The following SMCHD1 variants were observed in gnomAD, a reference collection of about 807,000 sequenced individuals.
The protein encoded by SMCHD1 is structural maintenance of chromosomes flexible hinge domain containing 1, also known as structural maintenance of chromosomes flexible hinge domain-containing protein 1.
Under a neutral mutation model 254.7 loss-of-function variants are expected in SMCHD1, and 78 were observed. The ratio of observed to expected loss-of-function variants is 0.31; its 90% CI spans 0.26 to 0.37. The LOEUF (loss-of-function observed/expected upper bound fraction) is 0.37. SMCHD1 is among the 10% of genes least tolerant of loss of function. The pLI, the probability that SMCHD1 is intolerant of heterozygous loss-of-function variation, is 1.00. For missense variants in SMCHD1, 1,840 were observed against 2,408.1 expected, an observed-to-expected ratio of 0.76 and a Z score of 4.94; for synonymous variants, 766 against 794.9, an observed-to-expected ratio of 0.96 and a Z score of 0.61.
In SMCHD1 at chr18:2,666,758, T is replaced by C. The variant is rs1197204446; in HGVS notation, c.263-112T>C. 4.6e-6 allele frequency: 4 copies of C among 877,910 alleles called. No homozygotes were observed. In the African/African-American group the frequency reaches 5.1e-5, roughly 11 times the overall value. 54.4% of individuals were successfully genotyped at this position (877,910 alleles called of 1,614,324 possible). On this transcript the variant is annotated intron_variant, in intron 2 of 47. Coordinates refer to ENST00000320876, the MANE Select transcript of SMCHD1 (RefSeq NM_015295.3). The stretch of plus-strand genomic sequence containing the variant: ...TTACAGGTAGATGATTGGGGGTTTT[T>C]CTTTACCATCATTAAAGATATTTCA...
intron 45 of SMCHD1, among the ~76,000 whole-genome samples, chr18:2,785,424 G>T (rs564779299): frequency 2.0e-5 from 3 of 152,000 alleles, no homozygotes; most frequent in Non-Finnish European, 4.4e-5. Context: ...CGAGGTAGGC[G>T]GATCATGAGG....
chr18:2,733,509 G>T (rs117755873), intron 25 of SMCHD1, among the ~76,000 whole-genome samples: 2,726 of 152,334 alleles, frequency 0.018, 40 homozygotes, highest in Middle Eastern at 0.1. Context: ...AACAGTCTGT[G>T]GATGAGCGTG....
chr18:2,696,515 A>G (rs993253023), intron 8 of SMCHD1, among the ~76,000 whole-genome samples: 5 of 151,898 alleles, frequency 3.3e-5, no homozygotes, highest in Non-Finnish European at 4.4e-5. Flanking sequence ...CCCCCCTTCA[A>G]CTCCCATCTC....
rs551147954 is a variant in SMCHD1, at chr18:2,760,422, A to G, written c.4347-230A>G. On this transcript the variant is annotated intron_variant, in intron 34 of 47. Transcript: ENST00000320876. Reference sequence around the variant, plus strand: ...TCATATTCCTGTTCTTTCAATTTTTACCATATCCAGCACGTTTATTCTGGA... The same window carrying G: ...TCATATTCCTGTTCTTTCAATTTTTGCCATATCCAGCACGTTTATTCTGGA... 6.9e-4 allele frequency: 223 copies of G among 322,776 alleles called. No homozygotes were observed. The Middle Eastern group carries it at 9.8e-3, about 14-fold the overall frequency. The allele number at this position is 322,776 out of a possible 1,614,324, so 20.0% of individuals were successfully genotyped here.
intron 34 of SMCHD1, among the ~76,000 whole-genome samples, chr18:2,755,096 C>T (rs972351482): frequency 3.3e-5 from 5 of 151,758 alleles, no homozygotes; most frequent in Non-Finnish European, 5.9e-5. Context: ...ACTATGTCAC[C>T]CAGGCTGTAG....
At chr18:2,780,799 G>C (rs993209298) in intron 44 of SMCHD1, among the ~76,000 whole-genome samples, 1 of 152,172 alleles carries the variant, frequency 6.6e-6, no homozygotes. Context: ...AGGAGACCTG[G>C]CTTTCATGAC....
rs753307847 is a variant in SMCHD1 at position 2,663,537 on chromosome 18, TA to T, written c.187-2618del. On this transcript the variant is annotated intron_variant, in intron 1 of 47. Coordinates refer to ENST00000320876, the MANE Select transcript of SMCHD1 (RefSeq NM_015295.3). ...TCCTGGAATTTATTTTTGTCTAAGT[TA>T]AGGTGTGGATTTTATCTGTTTCCAT... 3.3e-5 allele frequency among the ~76,000 whole-genome samples: 5 copies of T among 152,314 alleles called. No individual in the cohort carries two copies. In the East Asian group the frequency reaches 5.8e-4, roughly 18 times the overall value.
intron 44 of SMCHD1, among the ~76,000 whole-genome samples, chr18:2,782,862 C>T (rs1311641865): frequency 2.6e-5 from 4 of 151,382 alleles, no homozygotes; most frequent in Non-Finnish European, 5.9e-5. Flanking sequence ...TTGTTGTTCA[C>T]CACTAGAAAA....
chr18:2,794,509 A>G (rs996378641), intron 45 of SMCHD1, among the ~76,000 whole-genome samples: 3 of 152,174 alleles, frequency 2.0e-5, no homozygotes, highest in Non-Finnish European at 4.4e-5. Context: ...GTATCTCAAA[A>G]AACAAAAACA....
chr18:2,730,227 G>C (rs908045912), intron 24 of SMCHD1, among the ~76,000 whole-genome samples: 1 of 152,202 alleles, frequency 6.6e-6, no homozygotes, highest in African/African-American at 2.4e-5. Context: ...CTGGAGTACA[G>C]TGGCACGATC....
At chr18:2,755,222 T>C (rs1204972142) in intron 34 of SMCHD1, among the ~76,000 whole-genome samples, 3 of 152,016 alleles carry the variant, frequency 2.0e-5, no homozygotes, top group Non-Finnish European at 2.9e-5. Flanking sequence ...GCCTGACTTA[T>C]GATTTTATTT....
intron 39 of SMCHD1, among the ~76,000 whole-genome samples, chr18:2,770,935 A>T: frequency 6.6e-6 from 1 of 152,124 alleles, no homozygotes; most frequent in Non-Finnish European, 1.5e-5. Flanking sequence ...GTTTGCTGCA[A>T]TTCTTAATAA....
At position 2,719,677 on chromosome 18, in the gene SMCHD1, A is replaced by ATTT. The variant is rs59838462; in HGVS notation, c.2458+1254_2458+1256dup. Among the ~76,000 whole-genome samples the ATTT allele has an allele frequency of 1.9e-4, 27 of 144,836 alleles. 1 individual carries two copies. Among genetic ancestry groups the ATTT allele is most frequent in the East Asian group, 8.1e-4 (4 of 4,936 alleles). On this transcript the variant is annotated intron_variant, in intron 19 of 47. Coordinates refer to ENST00000320876, the MANE Select transcript of SMCHD1 (RefSeq NM_015295.3). ...GTGTGACTGCAGTTCACTGCACCTA[A>ATTT]TTTTTTTTTTTTTGGGAGATGGAGT...
At chr18:2,782,684 G>A (rs8092558) in intron 44 of SMCHD1, among the ~76,000 whole-genome samples, 28,399 of 137,716 alleles carry the variant, frequency 0.21, 3,008 homozygotes, top group Admixed American at 0.29. Flanking sequence ...GTTGGAAGCT[G>A]TAGTGAGCCA....
intron 33 of SMCHD1, among the ~76,000 whole-genome samples, chr18:2,751,959 A>G (rs146334491): frequency 1.3e-5 from 2 of 152,278 alleles, no homozygotes; most frequent in East Asian, 1.9e-4. Flanking sequence ...TACCAAGTCT[A>G]TGAAATTTGG....
intron 5 of SMCHD1, among the ~76,000 whole-genome samples, chr18:2,678,608 C>T (rs1015084856): frequency 3.9e-5 from 6 of 152,036 alleles, no homozygotes; most frequent in Admixed American, 6.5e-5. Context: ...TGAGCCCCAC[C>T]GCGCCTGGCT....
Position 2,666,870 on chromosome 18 carries a change from A to G in SMCHD1, c.263A>G (p.Asp88Gly), listed in dbSNP as rs200521548. 195 of 1,608,804 alleles carry G rather than the reference A, an allele frequency of 1.2e-4. 2 individuals are homozygous for G. In the Middle Eastern group the frequency reaches 5.1e-3, roughly 42 times the overall value. Reference protein sequence around the residue: ...SRKEITCDNFDETVKDGVTLY... With the variant: ...SRKEITCDNFGETVKDGVTLY... ...TTATGATTTTCACTCTTGATTACAGATGAAACTGTTAAAGATGGAGTCACC... is the reference window on the plus strand; with the variant it reads ...TTATGATTTTCACTCTTGATTACAGGTGAAACTGTTAAAGATGGAGTCACC... The change falls in exon 3 of 48, where the codon GAT becomes GGT. Residue 88 changes from aspartate (D) to glycine (G), a missense_variant and splice_region_variant. Transcript: ENST00000320876.
At chr18:2,790,700 G>A (rs2076305405) in intron 45 of SMCHD1, among the ~76,000 whole-genome samples, 1 of 152,206 alleles carries the variant, frequency 6.6e-6, no homozygotes, top group Non-Finnish European at 1.5e-5. Context: ...GGCAGAGGTT[G>A]CAGTAAGCCA....
In SMCHD1 at chr18:2,655,899, G is replaced by C. The variant is rs1026509623; in HGVS notation, c.-177G>C. On this transcript the variant is annotated 5_prime_UTR_variant, in exon 1 of 48. Coordinates refer to ENST00000320876, the MANE Select transcript of SMCHD1 (RefSeq NM_015295.3). ...CAGGAGCGCGTTTGAATCGGTTCCC[G>C]GGTGATCCTCGCGCCTGCCGCTGCT... The C allele has an allele frequency of 2.5e-6, 1 of 401,052 alleles. No homozygotes were observed. The highest frequency in any genetic ancestry group is 2.1e-5 in the African/African-American group (1 of 48,028). 24.8% of individuals were successfully genotyped at this position (401,052 alleles called of 1,614,324 possible).
Sources: allele counts gnomAD v4.1 joint callset (sites outside exome capture counted in the v4.1 genomes callset), GRCh38; gene constraint gnomAD v4.1.1; transcripts MANE v1.5; gene names NCBI Gene and HGNC (gene_info 2026-07-23, HGNC 2026-07-21).